SUCLG2: variants seen among roughly 807,000 people sequenced by gnomAD.
SUCLG2 encodes succinate-CoA ligase GDP-forming subunit beta.
A neutral mutation model predicts 47.9 loss-of-function variants in SUCLG2; 42 were observed. The ratio of observed to expected loss-of-function variants is 0.88; its 90% CI spans 0.69 to 1.14. The LOEUF (loss-of-function observed/expected upper bound fraction) is 1.14. Ranked by LOEUF, SUCLG2 falls within the 50% of genes most tolerant of loss-of-function variation. The pLI is 0.00. For missense variants in SUCLG2, 571 were observed against 525.9 expected, an observed-to-expected ratio of 1.09 and a Z score of -0.84; for synonymous variants, 195 against 197.3, an observed-to-expected ratio of 0.99 and a Z score of 0.10.
At chr3:67,549,849 T>G (rs148673336) in intron 2 of SUCLG2, among the ~76,000 whole-genome samples, 119 of 152,220 alleles carry the variant, frequency 7.8e-4, no homozygotes, top group Non-Finnish European at 1.6e-3. Context: ...ATGGATAAAT[T>G]TTTTCTTTTT....
intron 10 of SUCLG2, among the ~76,000 whole-genome samples, chr3:67,389,845 G>C (rs889844991): frequency 6.6e-6 from 1 of 152,112 alleles, no homozygotes; most frequent in African/African-American, 2.4e-5. Context: ...TGTTTTGATG[G>C]ATGAATTTCT....
chr3:67,388,800 G>C (rs960742818), intron 10 of SUCLG2, among the ~76,000 whole-genome samples: 2 of 152,278 alleles, frequency 1.3e-5, no homozygotes, highest in South Asian at 2.1e-4. Flanking sequence ...AGTTATAGTA[G>C]ATTTAGAGAT....
At chr3:67,638,437 G>A (rs1360041192) in intron 1 of SUCLG2, among the ~76,000 whole-genome samples, 1 of 152,152 alleles carries the variant, frequency 6.6e-6, no homozygotes, top group Non-Finnish European at 1.5e-5. Flanking sequence ...AGTTGACAGT[G>A]TGAAGCTGTT....
intron 2 of SUCLG2, among the ~76,000 whole-genome samples, chr3:67,547,337 T>C (rs1448795874): frequency 6.6e-6 from 1 of 152,250 alleles, no homozygotes; most frequent in Non-Finnish European, 1.5e-5. Flanking sequence ...GTCTCTGGTA[T>C]TTCCTTACGG....
rs564030531 is a variant in SUCLG2, at chr3:67,377,174, A to C, written c.1184-1315T>G. Among the ~76,000 whole-genome samples the C allele has an allele frequency of 3.3e-5, 5 of 152,356 alleles. No homozygotes were observed. In the South Asian group the frequency reaches 1.0e-3, roughly 32 times the overall value. The stretch of plus-strand genomic sequence containing the variant: ...AGGCAACTGAGGCACAGAGAAGTTA[A>C]ATAACTTTTCCATGGTCACAGAGGC... On this transcript the variant is annotated intron_variant, in intron 10 of 10. Coordinates refer to ENST00000307227, the MANE Select transcript of SUCLG2 (RefSeq NM_003848.4).
At chr3:67,546,182 A>G (rs1321920257) in intron 2 of SUCLG2, among the ~76,000 whole-genome samples, 1 of 152,222 alleles carries the variant, frequency 6.6e-6, no homozygotes, top group Non-Finnish European at 1.5e-5. Context: ...AAGCTGGTAT[A>G]AATTTTACTT....
chr3:67,373,304 A>T (rs1057189386), downstream of SUCLG2, among the ~76,000 whole-genome samples: 1 of 152,068 alleles, frequency 6.6e-6, no homozygotes, highest in Non-Finnish European at 1.5e-5. Context: ...AGGAAGAGAC[A>T]TGAAAATAAA....
At chr3:67,654,236 G>A (rs1179471210) in intron 1 of SUCLG2, among the ~76,000 whole-genome samples, 1 of 152,248 alleles carries the variant, frequency 6.6e-6, no homozygotes, top group Non-Finnish European at 1.5e-5. Flanking sequence ...CCTTCGCCAT[G>A]AGTCTGCGCG....
intron 2 of SUCLG2, among the ~76,000 whole-genome samples, chr3:67,608,423 TTTTTAA>T (rs1700463719): frequency 6.6e-6 from 1 of 152,168 alleles, no homozygotes; most frequent in Non-Finnish European, 1.5e-5. Context: ...GTTTTTTGCT[TTTTTAA>T]ATTGCAGTTA....
At chr3:67,462,881 G>A (rs4615096) in intron 9 of SUCLG2, among the ~76,000 whole-genome samples, 22,840 of 152,056 alleles carry the variant, frequency 0.15, 2,310 homozygotes, top group African/African-American at 0.28. Context: ...ACTGAATTTA[G>A]ATAGAGGATG....
At chr3:67,557,304 A>G (rs1038926456) in intron 2 of SUCLG2, among the ~76,000 whole-genome samples, 4 of 152,316 alleles carry the variant, frequency 2.6e-5, no homozygotes, top group South Asian at 2.1e-4. Context: ...TGAGATGAAC[A>G]GAGATCGTTC....
intron 9 of SUCLG2, among the ~76,000 whole-genome samples, chr3:67,435,624 C>T (rs144595179): frequency 2.8e-3 from 419 of 152,264 alleles, no homozygotes; most frequent in Non-Finnish European, 4.9e-3. Flanking sequence ...ATGTTATGTC[C>T]ACACATATGT....
intron 1 of SUCLG2, among the ~76,000 whole-genome samples, chr3:67,652,393 A>G (rs1701302433): frequency 6.6e-6 from 1 of 152,220 alleles, no homozygotes; most frequent in African/African-American, 2.4e-5. Flanking sequence ...CAGATTTCTG[A>G]GACACTTGGT....
In SUCLG2 at chr3:67,565,204, T is replaced by A. The variant is rs141601394; in HGVS notation, c.227-36018A>T. 4.0e-4 allele frequency among the ~76,000 whole-genome samples: 61 copies of A among 152,358 alleles called. 1 individual carries two copies. In the East Asian group the frequency reaches 8.9e-3, roughly 22 times the overall value. The stretch of plus-strand genomic sequence containing the variant: ...AGGTTCCTTGATTTCACTAGGATTA[T>A]GTCTAGGGGAGAAAGGTCATTCCAC... On this transcript the variant is annotated intron_variant, in intron 2 of 10. Coordinates refer to ENST00000307227, the MANE Select transcript of SUCLG2 (RefSeq NM_003848.4).
At chr3:67,399,106 G>A (rs904804003) in intron 10 of SUCLG2, among the ~76,000 whole-genome samples, 9 of 151,026 alleles carry the variant, frequency 6.0e-5, no homozygotes, top group Middle Eastern at 6.8e-3. Flanking sequence ...CACCAGCATG[G>A]CACATGTATA....
chr3:67,376,468 T>C, intron 10 of SUCLG2: 1 of 985,342 alleles, frequency 1.0e-6, no homozygotes, highest in Admixed American at 6.1e-5. Flanking sequence ...CTATTTAACA[T>C]GAGAACTGCT....
intron 1 of SUCLG2, among the ~76,000 whole-genome samples, chr3:67,612,084 C>A (rs528872363): frequency 6.6e-6 from 1 of 152,150 alleles, no homozygotes; most frequent in South Asian, 2.1e-4. Context: ...TGTGGGCAGG[C>A]GCAGTGGTTC....
At chr3:67,368,220 C>T (rs867504465) in intron 10 of SUCLG2, among the ~76,000 whole-genome samples, 3 of 152,134 alleles carry the variant, frequency 2.0e-5, no homozygotes, top group Non-Finnish European at 4.4e-5. Context: ...ATTTCTTCTC[C>T]TCTGCATTTG....
At chr3:67,524,808 C>T (rs745909750) in intron 4 of SUCLG2, among the ~76,000 whole-genome samples, 4 of 150,680 alleles carry the variant, frequency 2.7e-5, no homozygotes, top group Non-Finnish European at 4.4e-5. Flanking sequence ...TCCAAGGAAG[C>T]GTATGGTAGT....
Sources: allele counts gnomAD v4.1 joint callset (sites outside exome capture counted in the v4.1 genomes callset), GRCh38; gene constraint gnomAD v4.1.1; transcripts MANE v1.5; gene names NCBI Gene and HGNC (gene_info 2026-07-23, HGNC 2026-07-21).